Variants in HTR1F observed in about 807,000 individuals in gnomAD.
HTR1F encodes 5-hydroxytryptamine receptor 1F.
Under a neutral mutation model 24.0 loss-of-function variants are expected in HTR1F, and 17 were observed. The ratio of observed to expected loss-of-function variants is 0.71; its 90% confidence interval spans 0.48 to 1.06. HTR1F has a LOEUF of 1.06. HTR1F is among the 50% of genes least tolerant of loss of function. The pLI is 0.00. For synonymous variants in HTR1F, 186 were observed against 156.8 expected (o/e 1.19, Z -1.39); for missense variants, 391 against 427.8 (o/e 0.91, Z 0.76).
At chr3:87,810,004 T>C (rs1297909380) in intron 1 of HTR1F, among the ~76,000 whole-genome samples, 1 of 152,128 alleles carries the variant, frequency 6.6e-6, no homozygotes, top group Admixed American at 6.6e-5. Context: ...ATTTTTTAAT[T>C]AGCTACCATA....
At chr3:87,840,747 C>T (rs1289453016) in intron 2 of HTR1F, among the ~76,000 whole-genome samples, 1 of 151,866 alleles carries the variant, frequency 6.6e-6, no homozygotes, top group Admixed American at 6.6e-5. Flanking sequence ...TATTATTCAG[C>T]TTTAAAAACA....
chr3:87,832,421 G>T (rs866440212), intron 2 of HTR1F, among the ~76,000 whole-genome samples: 2 of 148,474 alleles, frequency 1.3e-5, no homozygotes, highest in African/African-American at 4.9e-5. Context: ...TCTTCCTCCC[G>T]GGTTGAAGCA....
intron 2 of HTR1F, among the ~76,000 whole-genome samples, chr3:87,860,638 T>A (rs535456295): frequency 1.3e-5 from 2 of 151,858 alleles, no homozygotes; most frequent in South Asian, 4.2e-4. Context: ...GAGAGATCCA[T>A]TTTTTTTCTA....
Position 87,990,861 on chromosome 3 carries a change from A to G in HTR1F, c.112A>G (p.Thr38Ala), listed in dbSNP as rs571479805. 6.2e-6 allele frequency: 10 copies of G among 1,614,210 alleles called. No homozygotes were observed. In the South Asian group the frequency reaches 8.8e-5, roughly 14 times the overall value. The change falls in exon 3 of 3, where the codon ACA (threonine) becomes GCA (alanine). Residue 38 changes from threonine to alanine, a missense_variant. Thr to Ala is a moderately conservative substitution (Grantham distance 58). Coordinates refer to ENST00000319595, the MANE Select transcript of HTR1F (RefSeq NM_001322209.2). ...TCTGTCTGGGCTGGCACTGATGACA[A>G]CAACTATCAACTCCCTTGTGATCGC... is the stretch of plus-strand genomic sequence containing the variant. ...LTLSGLALMT[T>A]TINSLVIAAI...
At chr3:87,794,733 C>A (rs906278607) in intron 1 of HTR1F, among the ~76,000 whole-genome samples, 3 of 152,074 alleles carry the variant, frequency 2.0e-5, no homozygotes, top group African/African-American at 7.2e-5. Context: ...GCACTTTCTG[C>A]CATCTTGCCG....
chr3:87,945,791 T>G (rs1370747197), intron 2 of HTR1F, among the ~76,000 whole-genome samples: 5 of 152,082 alleles, frequency 3.3e-5, no homozygotes, highest in Non-Finnish European at 7.3e-5. Flanking sequence ...TAGGACAGAA[T>G]AGCAAGCAAA....
At chr3:87,829,508 C>A (rs192438237) in intron 2 of HTR1F, among the ~76,000 whole-genome samples, 1 of 152,302 alleles carries the variant, frequency 6.6e-6, no homozygotes, top group East Asian at 1.9e-4. Context: ...GCAGTCGAAC[C>A]ACTAACCTTC....
chr3:87,809,498 A>C (rs1704126829), intron 1 of HTR1F, among the ~76,000 whole-genome samples: 1 of 152,044 alleles, frequency 6.6e-6, no homozygotes, highest in Non-Finnish European at 1.5e-5. Context: ...CTAATTGACA[A>C]ACTTAACTAA....
chr3:87,864,832 G>C (rs1002286210), intron 2 of HTR1F, among the ~76,000 whole-genome samples: 4 of 149,774 alleles, frequency 2.7e-5, no homozygotes, highest in Admixed American at 2.7e-4. Context: ...GGAGGCAAAG[G>C]TTGCAGTGAG....
Position 87,864,155 on chromosome 3 carries a change from A to G in HTR1F, c.-43+42031A>G, listed in dbSNP as rs1327228057. On this transcript the variant is annotated intron_variant, in intron 2 of 2. Coordinates refer to ENST00000319595, the MANE Select transcript of HTR1F (RefSeq NM_001322209.2). ...AAAAATCTCCCTTTTTCTGGGTCAA[A>G]TGATTAGCAACCTGAACTCCATCTG... 1.1e-4 allele frequency among the ~76,000 whole-genome samples: 17 copies of G among 152,162 alleles called. No homozygotes were observed. The East Asian group carries it at 3.3e-3, about 29-fold the overall frequency.
intron 2 of HTR1F, among the ~76,000 whole-genome samples, chr3:87,977,478 A>G (rs934230773): frequency 2.0e-5 from 3 of 149,412 alleles, no homozygotes; most frequent in Non-Finnish European, 4.4e-5. Flanking sequence ...AGCTCACTGC[A>G]AACTCCACCT....
Position 87,861,111 on chromosome 3 carries a change from C to T in HTR1F, c.-43+38987C>T, listed in dbSNP as rs113280908. The stretch of plus-strand genomic sequence containing the variant: ...AGCAGAGTTTGCTGTGAGCCAAGAT[C>T]GCACCACTGCAGTCCAGCCTGGGCC... On this transcript the variant is annotated intron_variant, in intron 2 of 2. Transcript: ENST00000319595. Among the ~76,000 whole-genome samples the T allele has an allele frequency of 1.7e-4, 26 of 152,222 alleles. 1 individual carries two copies. Among genetic ancestry groups the T allele is most frequent in the African/African-American group, 6.0e-4 (25 of 41,538 alleles).
At chr3:87,856,374 G>A (rs1705199569) in intron 2 of HTR1F, among the ~76,000 whole-genome samples, 1 of 152,040 alleles carries the variant, frequency 6.6e-6, no homozygotes. Context: ...CTTACTCCCA[G>A]CGAGCATATG....
At chr3:87,798,928 A>G (rs945157725) in intron 1 of HTR1F, among the ~76,000 whole-genome samples, 2 of 152,120 alleles carry the variant, frequency 1.3e-5, no homozygotes, top group African/African-American at 2.4e-5. Context: ...ATCCTCTTCC[A>G]TTGCCCATTC....
At chr3:87,898,771 T>A (rs1384300373) in intron 2 of HTR1F, among the ~76,000 whole-genome samples, 1 of 152,174 alleles carries the variant, frequency 6.6e-6, no homozygotes, top group Non-Finnish European at 1.5e-5. Context: ...TCATCTTAGT[T>A]ATTTCTTGCT....
At chr3:87,800,469 A>G (rs1439583962) in intron 1 of HTR1F, among the ~76,000 whole-genome samples, 1 of 152,240 alleles carries the variant, frequency 6.6e-6, no homozygotes, top group Non-Finnish European at 1.5e-5. Flanking sequence ...TTCCTTTGCT[A>G]AAAAGTAATT....
At chr3:87,801,509 C>T (rs1231683474) in intron 1 of HTR1F, among the ~76,000 whole-genome samples, 1 of 152,162 alleles carries the variant, frequency 6.6e-6, no homozygotes, top group Non-Finnish European at 1.5e-5. Flanking sequence ...TTTAGGGAGA[C>T]ATGAGACGTC....
intron 1 of HTR1F, among the ~76,000 whole-genome samples, 73 bp downstream of exon 1, chr3:87,792,915 G>A (rs571014523): frequency 2.0e-5 from 3 of 152,362 alleles, no homozygotes; most frequent in Non-Finnish European, 4.4e-5. Flanking sequence ...TGGGGAAGGG[G>A]TGTGGGGACG....
intron 2 of HTR1F, among the ~76,000 whole-genome samples, chr3:87,843,884 T>C (rs959378410): frequency 3.3e-5 from 5 of 151,752 alleles, no homozygotes; most frequent in African/African-American, 1.2e-4. Context: ...TGCATAGTAT[T>C]CCATGGTGTA....
Sources: gnomAD v4.1 joint callset for allele counts (sites outside exome capture counted in the v4.1 genomes callset) on GRCh38, gnomAD v4.1.1 for gene constraint, MANE v1.5 for transcripts, NCBI Gene and HGNC (gene_info 2026-07-23, HGNC 2026-07-21) for gene names.